Variants in FAM114A1 observed in about 807,000 individuals in gnomAD.
FAM114A1 encodes protein NOXP20.
Under a neutral mutation model 64.3 loss-of-function variants are expected in FAM114A1, and 62 were observed. The ratio of observed to expected loss-of-function variants is 0.96; its 90% confidence interval spans 0.79 to 1.19. The LOEUF (loss-of-function observed/expected upper bound fraction) is 1.19. Ranked by LOEUF, FAM114A1 falls within the 50% of genes most tolerant of loss-of-function variation. The probability of loss-of-function intolerance (pLI) is 0.00; values close to 1 mark genes in which losing one functional copy is unlikely to be tolerated. For synonymous variants in FAM114A1, 254 were observed against 251.1 expected, an observed-to-expected ratio of 1.01 and a Z score of -0.11; for missense variants, 645 against 676.3, an observed-to-expected ratio of 0.95 and a Z score of 0.51.
chr4:38,932,520 G>C (rs181340449), intron 12 of FAM114A1, 146 bp downstream of exon 12: 6 of 858,184 alleles, frequency 7.0e-6, no homozygotes, highest in Non-Finnish European at 1.0e-5. Flanking sequence ...TTGTTGAGAC[G>C]GGATCTCACT....
At chr4:38,878,986 GA>G (rs1397427671) in intron 3 of FAM114A1, among the ~76,000 whole-genome samples, 1 of 152,162 alleles carries the variant, frequency 6.6e-6, no homozygotes, top group Admixed American at 6.5e-5. Flanking sequence ...CCTTCCAGGG[GA>G]ACAGAGGCAG....
chr4:38,926,658 G>A (rs12505667), intron 9 of FAM114A1, among the ~76,000 whole-genome samples: 28,673 of 152,016 alleles, frequency 0.19, 3,000 homozygotes, highest in Middle Eastern at 0.3. Context: ...GTTTCACCAC[G>A]TTGGCCAGGC....
chr4:38,932,935 C>T (rs1720780761), intron 12 of FAM114A1, among the ~76,000 whole-genome samples: 1 of 150,770 alleles, frequency 6.6e-6, no homozygotes, highest in Non-Finnish European at 1.5e-5. Flanking sequence ...CTCACTGCAA[C>T]CTCCGCCTCC....
chr4:38,934,271 G>A (rs1331282837), intron 12 of FAM114A1, among the ~76,000 whole-genome samples: 1 of 152,092 alleles, frequency 6.6e-6, no homozygotes, highest in Non-Finnish European at 1.5e-5. Context: ...ACCTTACCAA[G>A]CTGCACCCAG....
intron 4 of FAM114A1, among the ~76,000 whole-genome samples, chr4:38,903,560 T>G (rs571526078): frequency 6.6e-6 from 1 of 152,244 alleles, no homozygotes; most frequent in South Asian, 2.1e-4. Flanking sequence ...TTTTGGAAAA[T>G]GCATATATAT....
chr4:38,919,384 A>G (rs1045943588), intron 8 of FAM114A1, among the ~76,000 whole-genome samples: 2 of 152,050 alleles, frequency 1.3e-5, no homozygotes, highest in Admixed American at 6.6e-5. Flanking sequence ...CTGTGGGAGG[A>G]TGCCCTAGTT....
chr4:38,900,618 A>C (rs529875950), intron 4 of FAM114A1, among the ~76,000 whole-genome samples: 1 of 152,354 alleles, frequency 6.6e-6, no homozygotes, highest in Admixed American at 6.5e-5. Context: ...CCTTGAGGAC[A>C]TTATGCTAAG....
chr4:38,908,978 G>T (rs999604855), intron 7 of FAM114A1, among the ~76,000 whole-genome samples: 1 of 152,162 alleles, frequency 6.6e-6, no homozygotes, highest in Non-Finnish European at 1.5e-5. Flanking sequence ...ATCTATAGAT[G>T]CAGCTATACA....
In FAM114A1 at chr4:38,891,753, C is replaced by G; in HGVS notation, c.359C>G (p.Ser120Cys). The G allele has an allele frequency of 1.2e-6, 2 of 1,607,694 alleles. No individual in the cohort carries two copies. Among genetic ancestry groups the G allele is most frequent in the Non-Finnish European group, 1.7e-6 (2 of 1,177,278 alleles). ...LQEQNYLAVDSPPSGGGWAGW... is the reference protein window; with the variant it reads ...LQEQNYLAVDCPPSGGGWAGW... ...TTTGTTTTTCTCCAGGCTGTGGATT[C>G]CCCTCCAAGTGGAGGAGGATGGGCA... Residue 120 changes from serine (S) to cysteine (C), a missense_variant, in exon 4 of 15, where the codon TCC becomes TGC. Coordinates refer to ENST00000358869, the MANE Select transcript of FAM114A1 (RefSeq NM_138389.4).
chr4:38,887,072 G>A (rs1169834328), intron 3 of FAM114A1, among the ~76,000 whole-genome samples: 2 of 152,142 alleles, frequency 1.3e-5, no homozygotes, highest in African/African-American at 2.4e-5. Flanking sequence ...AGAGGAAGGT[G>A]CATTTCCATA....
intron 4 of FAM114A1, among the ~76,000 whole-genome samples, chr4:38,899,569 G>C (rs1717305038): frequency 6.6e-6 from 1 of 152,148 alleles, no homozygotes; most frequent in Non-Finnish European, 1.5e-5. Flanking sequence ...ACTGCCAAAT[G>C]GGAAAAGCCA....
At chr4:38,909,706 A>G (rs911947528) in intron 7 of FAM114A1, among the ~76,000 whole-genome samples, 1 of 152,250 alleles carries the variant, frequency 6.6e-6, no homozygotes, top group Non-Finnish European at 1.5e-5. Context: ...CAGCTGATGC[A>G]GCAGTGGATT....
intron 2 of FAM114A1, among the ~76,000 whole-genome samples, chr4:38,870,804 T>C (rs930064874): frequency 1.3e-5 from 2 of 152,204 alleles, no homozygotes; most frequent in Non-Finnish European, 2.9e-5. Context: ...CCTGGTGGAC[T>C]CCAGCAGCCC....
chr4:38,897,126 A>G (rs1389909017), intron 4 of FAM114A1, among the ~76,000 whole-genome samples: 1 of 152,230 alleles, frequency 6.6e-6, no homozygotes, highest in African/African-American at 2.4e-5. Context: ...GCACTGTACC[A>G]TGAGTCATAA....
At chr4:38,915,219 T>G in intron 8 of FAM114A1, 146 bp downstream of exon 8, 1 of 1,046,626 alleles carries the variant, frequency 9.6e-7, no homozygotes, top group Non-Finnish European at 1.4e-6. Flanking sequence ...TACAATGGGA[T>G]GACCCTCGAG....
Position 38,871,194 on chromosome 4 carries a change from A to G in FAM114A1, c.-9+2648A>G, listed in dbSNP as rs148287090. On this transcript the variant is annotated intron_variant, in intron 2 of 14. Transcript: ENST00000358869. Reference sequence around the variant, plus strand: ...AGCCTCTGCCTTCCAGGTTCAAGCAATTCTCATGCCTCAGCCTCCAGAGTA... The same window carrying G: ...AGCCTCTGCCTTCCAGGTTCAAGCAGTTCTCATGCCTCAGCCTCCAGAGTA... 1.7e-3 allele frequency among the ~76,000 whole-genome samples: 250 copies of G among 148,254 alleles called. 2 individuals are homozygous for G. The highest frequency in any genetic ancestry group is 6.0e-3 in the African/African-American group (240 of 39,900).
chr4:38,905,927 T>G (rs1717959223), intron 6 of FAM114A1, 66 bp downstream of exon 6: 3 of 1,408,342 alleles, frequency 2.1e-6, no homozygotes, highest in South Asian at 1.3e-5. Flanking sequence ...ATATTTCCAT[T>G]TACCAGTGAC....
chr4:38,888,987 A>G (rs1716075620), intron 3 of FAM114A1, among the ~76,000 whole-genome samples: 1 of 152,236 alleles, frequency 6.6e-6, no homozygotes, highest in Non-Finnish European at 1.5e-5. Context: ...TTGATAACAT[A>G]TTTATAGCTG....
chr4:38,939,888 T>TTC (rs1166819246), intron 13 of FAM114A1, among the ~76,000 whole-genome samples: 1 of 115,346 alleles, frequency 8.7e-6, no homozygotes, highest in East Asian at 2.1e-4. Flanking sequence ...CTTTCTTTCT[T>TTC]TTTTTTTTTT....
Sources: gnomAD v4.1 joint callset for allele counts (sites outside exome capture counted in the v4.1 genomes callset) on GRCh38, gnomAD v4.1.1 for gene constraint, MANE v1.5 for transcripts, NCBI Gene and HGNC (gene_info 2026-07-23, HGNC 2026-07-21) for gene names.